The following ZNF486 variants were observed in gnomAD, a reference collection of about 807,000 sequenced individuals.
The protein encoded by ZNF486 is zinc finger protein 486.
A neutral mutation model predicts 12.8 loss-of-function variants in ZNF486; 12 were observed. That is an observed-to-expected ratio of 0.94 (90% CI 0.60 to 1.52). The LOEUF (loss-of-function observed/expected upper bound fraction) is 1.52, where lower values mean the gene tolerates loss of function less well. Ranked by LOEUF, ZNF486 falls within the 40% of genes most tolerant of loss-of-function variation. The pLI is 0.00. For missense variants in ZNF486, 738 were observed against 545.0 expected (o/e 1.35, Z -3.53); for synonymous variants, 231 against 184.9 (o/e 1.25, Z -2.02).
At chr19:20,186,106 C>T in intron 3 of ZNF486, 24 bp downstream of exon 3, 4 of 1,548,226 alleles carry the variant, frequency 2.6e-6, no homozygotes, top group Non-Finnish European at 3.5e-6. Context: ...AAAATGAACA[C>T]AACAGACAAT....
intron 1 of ZNF486, among the ~76,000 whole-genome samples, chr19:20,180,450 GC>G (rs1318313373): frequency 6.6e-6 from 1 of 152,120 alleles, no homozygotes; most frequent in Non-Finnish European, 1.5e-5. Context: ...ATTGAATTGT[GC>G]ATTGTATGGT....
chr19:20,194,098 T>TA (rs147132307), intron 3 of ZNF486, among the ~76,000 whole-genome samples: 12,067 of 152,254 alleles, frequency 0.079, 740 homozygotes, highest in African/African-American at 0.18. Flanking sequence ...ATTTAGAGAG[T>TA]ATTAAAAATG....
intron 3 of ZNF486, among the ~76,000 whole-genome samples, chr19:20,190,875 T>C (rs2089895445): frequency 6.6e-6 from 1 of 152,200 alleles, no homozygotes; most frequent in Non-Finnish European, 1.5e-5. Flanking sequence ...TCTTCAATGT[T>C]GGATGTGGGA....
intron 3 of ZNF486, among the ~76,000 whole-genome samples, chr19:20,192,335 A>G (rs782539713): frequency 2.0e-5 from 3 of 151,788 alleles, no homozygotes; most frequent in Non-Finnish European, 4.4e-5. Context: ...TTTGAGACAG[A>G]GTTTCACTTT....
At chr19:20,171,897 T>A (rs2089651641) in intron 1 of ZNF486, among the ~76,000 whole-genome samples, 1 of 152,144 alleles carries the variant, frequency 6.6e-6, no homozygotes, top group South Asian at 2.1e-4. Flanking sequence ...TAGGCCTCAG[T>A]GTCTGTTGTT....
At chr19:20,170,450 C>A (rs773223804) in intron 1 of ZNF486, among the ~76,000 whole-genome samples, 20 of 151,872 alleles carry the variant, frequency 1.3e-4, no homozygotes, top group Non-Finnish European at 1.9e-4. Flanking sequence ...ACATGTAATG[C>A]CAGCTACTTG....
intron 1 of ZNF486, among the ~76,000 whole-genome samples, chr19:20,183,446 C>T (rs1242689856): frequency 6.6e-6 from 1 of 152,172 alleles, no homozygotes; most frequent in African/African-American, 2.4e-5. Context: ...CTTAAAATTA[C>T]TACTAAAAAT....
At chr19:20,191,382 GC>G (rs2089900531) in intron 3 of ZNF486, among the ~76,000 whole-genome samples, 1 of 151,340 alleles carries the variant, frequency 6.6e-6, no homozygotes, top group African/African-American at 2.4e-5. Flanking sequence ...CAGGAGAGTG[GC>G]GTGAATCTGG....
intron 1 of ZNF486, among the ~76,000 whole-genome samples, chr19:20,175,629 A>T (rs1449520747): frequency 3.3e-5 from 5 of 152,022 alleles, no homozygotes; most frequent in Non-Finnish European, 5.9e-5. Flanking sequence ...CACATGTTTC[A>T]GAGAGCACAG....
At chr19:20,175,426 A>G (rs2089696579) in intron 1 of ZNF486, 1 of 149,368 alleles carries the variant, frequency 6.7e-6, no homozygotes, top group Non-Finnish European at 1.5e-5. Flanking sequence ...GAAGGTCAGC[A>G]GATAAACAAG....
At chr19:20,180,499 T>A (rs1555715396) in intron 1 of ZNF486, among the ~76,000 whole-genome samples, 1 of 152,250 alleles carries the variant, frequency 6.6e-6, no homozygotes, top group African/African-American at 2.4e-5. Flanking sequence ...CCTTGGGTTT[T>A]ATTTAGGCCA....
At chr19:20,179,593 G>T (rs1046313079) in intron 1 of ZNF486, among the ~76,000 whole-genome samples, 5 of 152,006 alleles carry the variant, frequency 3.3e-5, no homozygotes. Flanking sequence ...GAGCCAAGTT[G>T]ATCCTACCTA....
intron 3 of ZNF486, among the ~76,000 whole-genome samples, chr19:20,186,589 CT>C (rs564935767): frequency 1.1e-3 from 160 of 151,994 alleles, no homozygotes; most frequent in African/African-American, 3.7e-3. Flanking sequence ...TATCCTTCTG[CT>C]TTGATCTTTT....
intron 1 of ZNF486, among the ~76,000 whole-genome samples, chr19:20,180,915 T>G (rs1210295800): frequency 6.6e-6 from 1 of 152,168 alleles, no homozygotes; most frequent in African/African-American, 2.4e-5. Context: ...TTGTTTAAAT[T>G]GTGTATTAGT....
intron 1 of ZNF486, among the ~76,000 whole-genome samples, chr19:20,177,759 A>G (rs2089736791): frequency 2.0e-5 from 3 of 151,960 alleles, no homozygotes; most frequent in Admixed American, 6.6e-5. Flanking sequence ...ATTTTTTAGT[A>G]GAGAGGGGGT....
At chr19:20,186,563 G>A (rs1019390710) in intron 3 of ZNF486, among the ~76,000 whole-genome samples, 1 of 151,970 alleles carries the variant, frequency 6.6e-6, no homozygotes. Flanking sequence ...AATATAGTTT[G>A]AAATTATAAG....
chr19:20,191,819 CTG>C (rs1436171106), intron 3 of ZNF486, among the ~76,000 whole-genome samples: 1 of 152,012 alleles, frequency 6.6e-6, no homozygotes, highest in African/African-American at 2.4e-5. Flanking sequence ...AAGTATTCCT[CTG>C]TATGCAAAAT....
chr19:20,200,132 C>T lies in ZNF486; in HGVS notation c.*2030C>T, dbSNP rs370456559. 2 of 150,592 alleles carry T rather than the reference C, an allele frequency of 1.3e-5. No individual in the cohort carries two copies. The highest frequency in any genetic ancestry group is 2.9e-5 in the Non-Finnish European group (2 of 68,012). 9.3% of individuals were successfully genotyped at this position (150,592 alleles called of 1,614,324 possible). ...AATTTTTCTGAAAAGTGGGTAATGA[C>T]ATAATACAGCTTTCAAATTACTTTA... On this transcript the variant is annotated 3_prime_UTR_variant, in exon 4 of 4. Coordinates refer to ENST00000335117, the MANE Select transcript of ZNF486 (RefSeq NM_052852.4).
chr19:20,167,700 T>G (rs2089600028), intron 1 of ZNF486, among the ~76,000 whole-genome samples: 1 of 152,110 alleles, frequency 6.6e-6, no homozygotes, highest in South Asian at 2.1e-4. Flanking sequence ...GGTTCACGAT[T>G]CGGAAGAGCT....
Sources: gnomAD v4.1 joint callset for allele counts (sites outside exome capture counted in the v4.1 genomes callset) on GRCh38, gnomAD v4.1.1 for gene constraint, MANE v1.5 for transcripts, NCBI Gene and HGNC (gene_info 2026-07-23, HGNC 2026-07-21) for gene names.